Variants in PLEKHG4B observed in about 807,000 individuals in gnomAD.
PLEKHG4B encodes the protein pleckstrin homology domain-containing family G member 4B.
Under a neutral mutation model 121.3 loss-of-function variants are expected in PLEKHG4B, and 111 were observed. The observed-to-expected ratio is 0.92, with a 90% CI of 0.78 to 1.07. PLEKHG4B has a LOEUF of 1.07. PLEKHG4B is among the 50% of genes least tolerant of loss of function. The pLI, the probability that PLEKHG4B is intolerant of heterozygous loss-of-function variation, is 0.00. For synonymous variants in PLEKHG4B, 738 were observed against 725.0 expected (o/e 1.02, Z -0.29); for missense variants, 1,831 against 1,757.8 (o/e 1.04, Z -0.74).
intron 1 of PLEKHG4B, among the ~76,000 whole-genome samples, chr5:107,899 GTA>G (rs1156818768): frequency 6.6e-6 from 1 of 152,196 alleles, no homozygotes; most frequent in East Asian, 1.9e-4. Flanking sequence ...TGCCAGGTTT[GTA>G]TACCTGGGCT....
intron 13 of PLEKHG4B, among the ~76,000 whole-genome samples, chr5:167,595 T>C (rs951476190): frequency 1.3e-5 from 2 of 152,178 alleles, no homozygotes; most frequent in African/African-American, 2.4e-5. Flanking sequence ...GGAAATCTCC[T>C]TTGAAAGTGC....
intron 2 of PLEKHG4B, among the ~76,000 whole-genome samples, chr5:131,698 C>T (rs1343405728): frequency 2.0e-5 from 3 of 152,156 alleles, no homozygotes; most frequent in Admixed American, 1.3e-4. Flanking sequence ...CACTGTCTTC[C>T]ACAATGGTTG....
Position 140,301 on chromosome 5 carries a change from G to A in PLEKHG4B, c.1062G>A (p.Glu354=), listed in dbSNP as rs1441659185. The change falls in exon 3 of 20, where the codon GAG becomes GAA. Residue 354 remains glutamate (E), a synonymous_variant. Transcript: ENST00000637938. ...TGCAGCCTAGACGCTGGTTCAGGGA[G>A]TCGTACATGGAAGCCTTGCGGAACC... ...TCVQPRRWFR[E]SYMEALRNPM... The A allele has an allele frequency of 5.4e-6, 8 of 1,490,096 alleles. No homozygotes were observed. The highest frequency in any genetic ancestry group is 7.1e-6 in the Non-Finnish European group (8 of 1,122,066). 92.3% of individuals were successfully genotyped at this position (1,490,096 alleles called of 1,614,324 possible).
intron 1 of PLEKHG4B, among the ~76,000 whole-genome samples, chr5:109,420 A>AT (rs1302271929): frequency 6.7e-6 from 1 of 148,776 alleles, no homozygotes; most frequent in Non-Finnish European, 1.5e-5. Flanking sequence ...AAAAAAAAAA[A>AT]ATCCAGCCAG....
chr5:98,212 T>C (rs1579228524), intron 1 of PLEKHG4B, among the ~76,000 whole-genome samples: 1 of 152,032 alleles, frequency 6.6e-6, no homozygotes, highest in East Asian at 1.9e-4. Context: ...TGCTGATCCA[T>C]TTTTAGTTAA....
chr5:134,346 G>A (rs994913716), intron 2 of PLEKHG4B, among the ~76,000 whole-genome samples: 7 of 151,612 alleles, frequency 4.6e-5, no homozygotes, highest in African/African-American at 1.2e-4. Flanking sequence ...GCAGGTGAGC[G>A]ATAAAAGACT....
At chr5:129,007 G>A (rs950203119) in intron 2 of PLEKHG4B, among the ~76,000 whole-genome samples, 11 of 152,198 alleles carry the variant, frequency 7.2e-5, no homozygotes, top group African/African-American at 2.4e-4. Context: ...GTAGCAATAA[G>A]ATACCAAATC....
At chr5:164,830 G>A (rs1736229236) in intron 13 of PLEKHG4B, among the ~76,000 whole-genome samples, 1 of 131,864 alleles carries the variant, frequency 7.6e-6, no homozygotes, top group South Asian at 2.4e-4. Flanking sequence ...TGACGGAGCG[G>A]AGCTCACACT....
intron 11 of PLEKHG4B, among the ~76,000 whole-genome samples, chr5:160,059 G>A (rs112058255): frequency 2.6e-5 from 4 of 152,354 alleles, no homozygotes; most frequent in African/African-American, 9.6e-5. Flanking sequence ...CCGGACAGGC[G>A]ATCCTGCTAT....
At chr5:161,989 A>T (rs763705936) in intron 12 of PLEKHG4B, 45 bp downstream of exon 12, 3 of 1,556,124 alleles carry the variant, frequency 1.9e-6, no homozygotes, top group Non-Finnish European at 2.6e-6. Flanking sequence ...CCGGCTCCTT[A>T]GGCTGTGGAC....
rs112206492 is a variant in PLEKHG4B, at chr5:137,241, G to A, written c.244-2242G>A. Among the ~76,000 whole-genome samples the A allele has an allele frequency of 3.0e-3, 456 of 152,308 alleles. 1 individual carries two copies. The highest frequency in any genetic ancestry group is 9.9e-3 in the African/African-American group (413 of 41,576). ...CAAGACAGGAAGTGGAATGGTGGGTGCCAGGGGCTCAGGGGCAGGGGAATG... is the reference window on the plus strand; with the variant it reads ...CAAGACAGGAAGTGGAATGGTGGGTACCAGGGGCTCAGGGGCAGGGGAATG... On this transcript the variant is annotated intron_variant, in intron 2 of 19. Transcript: ENST00000637938. This position sits in a 1 kb window ranked among gnomAD's most constrained non-coding sequence, Gnocchi z 4.2.
chr5:182,362 C>T lies in PLEKHG4B; in HGVS notation c.*39C>T. 6.5e-7 allele frequency: 1 copy of T among 1,539,754 alleles called. No individual in the cohort carries two copies. The highest frequency in any genetic ancestry group is 1.2e-5 in the South Asian group (1 of 84,724). ...GGCAGTGCCCATCATGTGGCTAGAA[C>T]AATACAGAGGGAGCAGCACGCCAGG... On this transcript the variant is annotated 3_prime_UTR_variant, in exon 20 of 20. Transcript: ENST00000637938.
At position 162,943 on chromosome 5, in the gene PLEKHG4B, C is replaced by T. The variant is rs1162320079; in HGVS notation, c.2871C>T (p.Ala957=). 1.3e-6 allele frequency: 2 copies of T among 1,556,548 alleles called. No individual in the cohort carries two copies. Among genetic ancestry groups the T allele is most frequent in the Non-Finnish European group, 1.7e-6 (2 of 1,151,694 alleles). The change falls in exon 13 of 20, where the codon GCC becomes GCT. Residue 957 remains alanine (A), a synonymous_variant. Coordinates refer to ENST00000637938, the MANE Select transcript of PLEKHG4B (RefSeq NM_052909.5). ...YPQTRLRLEE[A]LSEAAPDPSL... is the part of the protein sequence containing the mutation. Reference sequence around the variant, plus strand: ...AGACCCGGCTCCGTCTGGAAGAGGCCCTTTCTGAGGCTGCCCCAGACCCCA... The same window carrying T: ...AGACCCGGCTCCGTCTGGAAGAGGCTCTTTCTGAGGCTGCCCCAGACCCCA...
Position 156,985 on chromosome 5 carries a change from C to T in PLEKHG4B, c.2487+74C>T. 6.4e-7 allele frequency: 1 copy of T among 1,556,860 alleles called. No homozygotes were observed. Among genetic ancestry groups the T allele is most frequent in the African/African-American group, 1.4e-5 (1 of 73,706 alleles). On this transcript the variant is annotated intron_variant, in intron 11 of 19. Coordinates refer to ENST00000637938, the MANE Select transcript of PLEKHG4B (RefSeq NM_052909.5). The surrounding 1 kb of genome is among the most constrained non-coding windows in gnomAD (Gnocchi z 4.4). ...AGGCTGGCCAAGGCAACCCTCTCAC[C>T]TTCACACTGTGTCTTTAGGGCCTTG...
chr5:165,394 C>T (rs1160289932), intron 13 of PLEKHG4B, among the ~76,000 whole-genome samples: 4 of 38,562 alleles, frequency 1.0e-4, no homozygotes, highest in African/African-American at 3.4e-4. Flanking sequence ...TCTGACGGGG[C>T]GGAGCTCACA....
intron 18 of PLEKHG4B, among the ~76,000 whole-genome samples, chr5:176,901 C>G (rs1736775763): frequency 6.6e-6 from 1 of 152,226 alleles, no homozygotes; most frequent in African/African-American, 2.4e-5. Flanking sequence ...GGCCACAGAG[C>G]TGACCAACCT....
chr5:148,390 A>G (rs1386442782), intron 6 of PLEKHG4B, among the ~76,000 whole-genome samples: 1 of 152,078 alleles, frequency 6.6e-6, no homozygotes, highest in African/African-American at 2.4e-5. Flanking sequence ...GCAAAGTAGC[A>G]GGATGCAAAG....
At chr5:164,447 G>A (rs112143364) in intron 13 of PLEKHG4B, among the ~76,000 whole-genome samples, 2,057 of 124,536 alleles carry the variant, frequency 0.017, 23 homozygotes, top group African/African-American at 0.053. Flanking sequence ...TGTGACAGGG[G>A]GCGGGGCTCA....
At chr5:128,092 A>G (rs1330180404) in intron 2 of PLEKHG4B, among the ~76,000 whole-genome samples, 1 of 152,196 alleles carries the variant, frequency 6.6e-6, no homozygotes, top group Non-Finnish European at 1.5e-5. Context: ...CTTAGGGACA[A>G]TAGATGACAA....
Sources: allele counts gnomAD v4.1 joint callset (sites outside exome capture counted in the v4.1 genomes callset), GRCh38; gene constraint gnomAD v4.1.1; non-coding constraint Gnocchi (gnomAD v3.1); transcripts MANE v1.5; gene names NCBI Gene and HGNC (gene_info 2026-07-23, HGNC 2026-07-21).